The following SIGLEC1 variants were observed in gnomAD, a reference collection of about 807,000 sequenced individuals.
The protein encoded by SIGLEC1 is sialic acid binding Ig like lectin 1.
A neutral mutation model predicts 148.0 loss-of-function variants in SIGLEC1; 132 were observed. The ratio of observed to expected loss-of-function variants is 0.89; its 90% CI spans 0.77 to 1.03. The LOEUF (loss-of-function observed/expected upper bound fraction) is 1.03. Ranked by LOEUF, SIGLEC1 falls within the 50% of genes least tolerant of loss-of-function variation. The probability of loss-of-function intolerance (pLI) is 0.00; values close to 1 mark genes in which losing one functional copy is unlikely to be tolerated. For synonymous variants in SIGLEC1, 945 were observed against 969.0 expected (o/e 0.98, Z 0.46); for missense variants, 2,253 against 2,271.4 (o/e 0.99, Z 0.16).
intron 14 of SIGLEC1, 56 bp from the exon 15 acceptor site, chr20:3,693,187 G>A: frequency 6.7e-7 from 1 of 1,496,548 alleles, no homozygotes; most frequent in Non-Finnish European, 8.9e-7. Context: ...CAGGAGGCCA[G>A]TTTGCAGGTG....
Position 3,691,389 on chromosome 20 carries a change from C to G in SIGLEC1, c.4542G>C (p.Glu1514Asp). 6.2e-7 allele frequency: 1 copy of G among 1,613,412 alleles called. No homozygotes were observed. Among genetic ancestry groups the G allele is most frequent in the East Asian group, 2.2e-5 (1 of 44,880 alleles). Reference sequence around the variant, plus strand: ...CAGAGGCAGCAGCCCCAGTGGGGAGCTCAGCCAGGCAGTGGTACATCCCAG... The same window carrying G: ...CAGAGGCAGCAGCCCCAGTGGGGAGGTCAGCCAGGCAGTGGTACATCCCAG... ...AQAGMYHCLA[E>D]LPTGAAASAP... Residue 1514 changes from glutamate (E) to aspartate (D), a missense_variant, in exon 18 of 22, where the codon GAG becomes GAC. Coordinates refer to ENST00000344754, the MANE Select transcript of SIGLEC1 (RefSeq NM_023068.4).
In SIGLEC1 at chr20:3,689,583, C is replaced by A; in HGVS notation, c.4997+17G>T. ...CCTTACCCCAATCTTCTGGCCCACTCCCAGCTCCAGACCCACCTCCAGGTG... is the reference window on the plus strand; with the variant it reads ...CCTTACCCCAATCTTCTGGCCCACTACCAGCTCCAGACCCACCTCCAGGTG... On this transcript the variant is annotated intron_variant, in intron 20 of 21. Transcript: ENST00000344754. 1 of 1,543,696 alleles carries A rather than the reference C, an allele frequency of 6.5e-7. No individual in the cohort carries two copies. The highest frequency in any genetic ancestry group is 8.8e-7 in the Non-Finnish European group (1 of 1,138,242).
At position 3,687,947 on chromosome 20, in the gene SIGLEC1, CCTT is replaced by C. The variant is rs2146515361; in HGVS notation, c.*610_*612del. On this transcript the variant is annotated 3_prime_UTR_variant, in exon 22 of 22. Coordinates refer to ENST00000344754, the MANE Select transcript of SIGLEC1 (RefSeq NM_023068.4). ...TGGGTGTGCTTCTACCTCCACTCTT[CCTT>C]CTTCTGGCTGGAGGGCATGTGGACA... 1 of 157,980 alleles carries C rather than the reference CCTT, an allele frequency of 6.3e-6. No individual in the cohort carries two copies. Among genetic ancestry groups the C allele is most frequent in the South Asian group, 1.9e-4 (1 of 5,402 alleles). The allele number at this position is 157,980 out of a possible 1,614,324, so 9.8% of individuals were successfully genotyped here.
chr20:3,702,671 G>A (rs926982452), intron 6 of SIGLEC1, among the ~76,000 whole-genome samples: 5 of 152,050 alleles, frequency 3.3e-5, no homozygotes, highest in African/African-American at 1.2e-4. Flanking sequence ...ATGATCTTAG[G>A]AATTTAGCGG....
chr20:3,693,035 TGGGC>T lies in SIGLEC1; in HGVS notation c.3601_3604del (p.Ala1201SerfsTer62). 6.2e-7 allele frequency: 1 copy of T among 1,610,554 alleles called. No individual in the cohort carries two copies. On this transcript the variant is annotated frameshift_variant, in exon 15 of 22. Transcript: ENST00000344754. LOFTEE classifies it high-confidence loss of function. ...GCGACCGGCGTGGCTGAGGGCCAGC[TGGGC>T]GGGCGGGCGGCTGTCCACAGTGCAC...
chr20:3,696,696 G>T lies in SIGLEC1; in HGVS notation c.2573C>A (p.Ser858Tyr). The change falls in exon 11 of 22, where the codon TCC becomes TAC. Residue 858 changes from serine (S) to tyrosine (Y), a missense_variant. Transcript: ENST00000344754. ...CAGTTCTCGGACCTCTAACTTCAGG[G>T]AGTTGGCCTCAGCTTTAGCCTGGAA... ...GRFQAKAEAN[S>Y]LKLEVRELGL... The T allele has an allele frequency of 1.2e-6, 2 of 1,613,820 alleles. No individual in the cohort carries two copies. The highest frequency in any genetic ancestry group is 1.7e-6 in the Non-Finnish European group (2 of 1,180,024).
rs988164660 is a variant in SIGLEC1 at position 3,699,197 on chromosome 20, C to T, written c.1786+5G>A. ...AGGAGGCTGCAACAGGTGGTGGCTG[C>T]TCACAGAGCACAGTGAGAACAGCTG... On this transcript the variant is annotated splice_donor_5th_base_variant and intron_variant, in intron 8 of 21. Transcript: ENST00000344754. The T allele has an allele frequency of 5.6e-6, 9 of 1,607,494 alleles. No individual in the cohort carries two copies. The highest frequency in any genetic ancestry group is 1.3e-5 in the African/African-American group (1 of 74,804).
chr20:3,689,452 A>T (rs2088733034), intron 20 of SIGLEC1, 148 bp downstream of exon 20: 1 of 660,330 alleles, frequency 1.5e-6, no homozygotes, highest in Non-Finnish European at 2.6e-6. Context: ...CAATTCTAGA[A>T]GGGATTTCCA....
intron 7 of SIGLEC1, among the ~76,000 whole-genome samples, chr20:3,700,590 CA>C (rs1254741261): frequency 6.6e-6 from 1 of 151,654 alleles, no homozygotes; most frequent in East Asian, 1.9e-4. Context: ...TCTCAAAAAA[CA>C]AAAAGAAAAA....
intron 6 of SIGLEC1, among the ~76,000 whole-genome samples, chr20:3,702,113 A>G (rs2087856896): frequency 6.6e-6 from 1 of 152,124 alleles, no homozygotes; most frequent in African/African-American, 2.4e-5. Context: ...GCAAGTTTCA[A>G]TGTCAAGAAT....
intron 3 of SIGLEC1, 118 bp from the exon 4 acceptor site, chr20:3,706,158 C>T (rs1030658069): frequency 3.0e-5 from 39 of 1,300,392 alleles, no homozygotes; most frequent in Non-Finnish European, 3.4e-5. Context: ...GAAGGAAAGA[C>T]GCTTTCTACT....
rs1344596774 is a variant in SIGLEC1 at position 3,690,159 on chromosome 20, A to G, written c.4697T>C (p.Leu1566Pro). 1.3e-6 allele frequency: 2 copies of G among 1,597,946 alleles called. No homozygotes were observed. Among genetic ancestry groups the G allele is most frequent in the Admixed American group, 3.4e-5 (2 of 58,044 alleles). ...VDSEPLASLT[L>P]HLGSRLVASS... ...GGCCACCAGTCGACTGCCAAGGTGG[A>G]GAGTCAGGCTGGCGAGCGGCTCGCT... The change falls in exon 19 of 22, where the codon CTC (leucine) becomes CCC (proline). Residue 1566 changes from leucine to proline, a missense_variant. Transcript: ENST00000344754.
chr20:3,706,666 C>T lies in SIGLEC1; in HGVS notation c.90G>A (p.Gln30=). The part of the protein sequence containing the change: ...SWGVSSPQDV[Q]GVKGSCLLIP... ...TAAGCAGGCAAGACCCCTTCACACC[C>T]TGCACGTCCTGGGGACTGGAGACGC... is the stretch of plus-strand genomic sequence containing the variant. Residue 30 remains glutamine (Q), a synonymous_variant, in exon 3 of 22, where the codon CAG becomes CAA. Transcript: ENST00000344754. 2 of 1,559,830 alleles carry T rather than the reference C, an allele frequency of 1.3e-6. No homozygotes were observed. Among genetic ancestry groups the T allele is most frequent in the South Asian group, 1.2e-5 (1 of 85,298 alleles).
At chr20:3,705,632 C>T in intron 4 of SIGLEC1, 112 bp downstream of exon 4, 2 of 1,219,030 alleles carry the variant, frequency 1.6e-6, no homozygotes, top group Admixed American at 2.1e-5. Flanking sequence ...CAGGAGCAGC[C>T]TGGTTTTGCA....
rs2088708150 is a variant in SIGLEC1 at position 3,687,201 on chromosome 20, C to T, written c.*1359G>A. 6.6e-6 allele frequency: 1 copy of T among 152,284 alleles called. No individual in the cohort carries two copies. Among genetic ancestry groups the T allele is most frequent in the African/African-American group, 2.4e-5 (1 of 41,468 alleles). 9.4% of individuals were successfully genotyped at this position (152,284 alleles called of 1,614,324 possible). On this transcript the variant is annotated 3_prime_UTR_variant, in exon 22 of 22. Transcript: ENST00000344754. ...CTAGAGCAGAGGGCTCTTCGCTCCTCACACCATCTCCACCAGGCTGCAGGG... is the reference window on the plus strand; with the variant it reads ...CTAGAGCAGAGGGCTCTTCGCTCCTTACACCATCTCCACCAGGCTGCAGGG...
chr20:3,708,147 G>A (rs2087908845), intron 1 of SIGLEC1, among the ~76,000 whole-genome samples: 3 of 152,166 alleles, frequency 2.0e-5, no homozygotes, highest in Admixed American at 2.0e-4. Flanking sequence ...GAGTGGGGAG[G>A]TGGCAAGGCA....
In SIGLEC1 at chr20:3,698,002, CCTTGTGGAGCAG is replaced by C. The variant is rs1320107786; in HGVS notation, c.1906_1917del (p.Leu636_Lys639del). On this transcript the variant is annotated inframe_deletion, in exon 9 of 22. Transcript: ENST00000344754. The stretch of plus-strand genomic sequence containing the variant: ...GGCAGGGAAGTGGCCACAACACGGT[CCTTGTGGAGCAG>C]CTGCAGCCTGGCGGGGGGGTCGCTG... The C allele has an allele frequency of 2.3e-5, 37 of 1,610,646 alleles. No individual in the cohort carries two copies. The highest frequency in any genetic ancestry group is 5.3e-5 in the African/African-American group (4 of 74,838).
At position 3,697,978 on chromosome 20, in the gene SIGLEC1, G is replaced by T. The variant is rs754566839; in HGVS notation, c.1942C>A (p.Pro648Thr). 1.2e-6 allele frequency: 2 copies of T among 1,611,696 alleles called. No individual in the cohort carries two copies. The highest frequency in any genetic ancestry group is 1.7e-6 in the Non-Finnish European group (2 of 1,179,188). Residue 648 changes from proline (P) to threonine (T), a missense_variant, in exon 9 of 22, where the codon CCA (proline) becomes ACA (threonine). Coordinates refer to ENST00000344754, the MANE Select transcript of SIGLEC1 (RefSeq NM_023068.4). ...HKDRVVATSL[P>T]SGGGCSTCGG... is the part of the protein sequence containing the mutation. ...CAGGTGCTGCAGCCACCCCCTGATG[G>T]CAGGGAAGTGGCCACAACACGGTCC...
At chr20:3,692,278 G>A in intron 16 of SIGLEC1, 76 bp from the exon 17 acceptor site, 1 of 1,428,946 alleles carries the variant, frequency 7.0e-7, no homozygotes, top group East Asian at 2.3e-5. Flanking sequence ...GCCTGGGGTT[G>A]GTCAGGCTGA....
Sources: gnomAD v4.1 joint callset for allele counts (sites outside exome capture counted in the v4.1 genomes callset) on GRCh38, gnomAD v4.1.1 for gene constraint, MANE v1.5 for transcripts, NCBI Gene and HGNC (gene_info 2026-07-23, HGNC 2026-07-21) for gene names.